KLHL29: variants seen among roughly 807,000 people sequenced by gnomAD.
KLHL29 encodes kelch-like protein 29.
In KLHL29, 21 loss-of-function variants were observed where a neutral mutation model predicts 80.4. The ratio of observed to expected loss-of-function variants is 0.26; its 90% CI spans 0.19 to 0.38. KLHL29 has a LOEUF of 0.38. Among genes scored for constraint, KLHL29 ranks in the 10% least tolerant of loss-of-function variants. KLHL29 has a pLI of 1.00. For missense variants in KLHL29, 867 were observed against 1,223.9 expected, an observed-to-expected ratio of 0.71 and a Z score of 4.35; for synonymous variants, 511 against 526.8, an observed-to-expected ratio of 0.97 and a Z score of 0.41.
intron 2 of KLHL29, among the ~76,000 whole-genome samples, chr2:23,530,873 G>A (rs555696840): frequency 4.7e-4 from 71 of 152,292 alleles, no homozygotes; most frequent in Admixed American, 2.0e-3. Context: ...CCAGCTTTGT[G>A]TCTGTATGAA....
chr2:23,592,514 G>T (rs78696616), intron 3 of KLHL29, among the ~76,000 whole-genome samples: 1 of 152,230 alleles, frequency 6.6e-6, no homozygotes, highest in Non-Finnish European at 1.5e-5. Flanking sequence ...CCACATGGCC[G>T]CAGGCCGGGG....
chr2:23,464,830 CCTCTT>C (rs1226663553), intron 1 of KLHL29, among the ~76,000 whole-genome samples: 6 of 152,124 alleles, frequency 3.9e-5, no homozygotes, highest in African/African-American at 1.4e-4. Context: ...ATTTTTCCCA[CCTCTT>C]CTCTTAATTA....
At chr2:23,395,394 G>A (rs566537367) in intron 1 of KLHL29, among the ~76,000 whole-genome samples, 1 of 152,322 alleles carries the variant, frequency 6.6e-6, no homozygotes, top group Admixed American at 6.5e-5. Context: ...ACAGATAGGT[G>A]TCTGTTTCCA....
chr2:23,624,658 T>C (rs1572447243), intron 3 of KLHL29, among the ~76,000 whole-genome samples: 2 of 152,300 alleles, frequency 1.3e-5, no homozygotes, highest in South Asian at 2.1e-4. Flanking sequence ...TTGCTTTTGT[T>C]TCTTGATAAT....
At chr2:23,412,058 T>A (rs962304687) in intron 1 of KLHL29, among the ~76,000 whole-genome samples, 14 of 149,310 alleles carry the variant, frequency 9.4e-5, no homozygotes, top group African/African-American at 3.2e-4. Flanking sequence ...GTTGTGGGAA[T>A]GTGAGGTGGT....
chr2:23,416,939 C>T (rs1381604051), intron 1 of KLHL29, among the ~76,000 whole-genome samples: 1 of 152,214 alleles, frequency 6.6e-6, no homozygotes, highest in Admixed American at 6.5e-5. Context: ...TCCACAGGCA[C>T]CTCCATTTGA....
At chr2:23,395,700 G>A (rs1166974159) in intron 1 of KLHL29, among the ~76,000 whole-genome samples, 2 of 151,274 alleles carry the variant, frequency 1.3e-5, no homozygotes, top group Non-Finnish European at 2.9e-5. Context: ...AGCTGAGATC[G>A]CAACACTGCA....
chr2:23,633,798 T>C (rs1428044524), intron 3 of KLHL29, among the ~76,000 whole-genome samples: 1 of 151,590 alleles, frequency 6.6e-6, no homozygotes, highest in African/African-American at 2.4e-5. Flanking sequence ...TGTGTTTAAT[T>C]TGACTAAGTG....
chr2:23,511,582 A>G (rs1208817659), intron 2 of KLHL29, among the ~76,000 whole-genome samples: 1 of 152,114 alleles, frequency 6.6e-6, no homozygotes, highest in African/African-American at 2.4e-5. Context: ...AGGCTGGGAG[A>G]TATGAGGATC....
chr2:23,492,114 C>T (rs966588917), intron 2 of KLHL29, among the ~76,000 whole-genome samples: 6 of 152,184 alleles, frequency 3.9e-5, no homozygotes, highest in African/African-American at 1.4e-4. Context: ...GTCCAGCCTC[C>T]CCAGACCCTG....
chr2:23,423,253 T>C (rs558193697), intron 1 of KLHL29, among the ~76,000 whole-genome samples: 9 of 152,346 alleles, frequency 5.9e-5, no homozygotes, highest in African/African-American at 2.2e-4. Flanking sequence ...GGCCGGGCTC[T>C]GCAGGGCAAT....
intron 3 of KLHL29, among the ~76,000 whole-genome samples, chr2:23,636,240 C>T (rs1223148297): frequency 6.6e-6 from 1 of 152,200 alleles, no homozygotes; most frequent in African/African-American, 2.4e-5. Context: ...GCAAAGGGCA[C>T]ACCCCGTGTC....
intron 4 of KLHL29, among the ~76,000 whole-genome samples, chr2:23,639,843 C>A (rs78822935): frequency 6.6e-6 from 1 of 152,106 alleles, no homozygotes; most frequent in Non-Finnish European, 1.5e-5. Context: ...GTCAGGAGAC[C>A]CCCTTCATCC....
chr2:23,561,869 A>G (rs1667455347), intron 2 of KLHL29, among the ~76,000 whole-genome samples: 1 of 152,134 alleles, frequency 6.6e-6, no homozygotes, highest in Non-Finnish European at 1.5e-5. Context: ...TGTGTCATTC[A>G]GGGCAGTGAG....
rs1310809203 is a variant in KLHL29, at chr2:23,503,778, G to A, written c.-46+28111G>A. On this transcript the variant is annotated intron_variant, in intron 2 of 13. Coordinates refer to ENST00000486442, the MANE Select transcript of KLHL29 (RefSeq NM_052920.2). This position sits in a 1 kb window ranked among gnomAD's most constrained non-coding sequence, Gnocchi z 4.0. ...GCGAAGGAGGAAGGAAACACAGACA[G>A]GAGGTCTCAGAGCACAGCACGCCAG... Among the ~76,000 whole-genome samples the A allele has an allele frequency of 6.6e-6, 1 of 152,232 alleles. No homozygotes were observed. Among genetic ancestry groups the A allele is most frequent in the Non-Finnish European group, 1.5e-5 (1 of 68,036 alleles).
At chr2:23,536,570 C>G (rs1006481396) in intron 2 of KLHL29, among the ~76,000 whole-genome samples, 2 of 152,206 alleles carry the variant, frequency 1.3e-5, no homozygotes, top group Non-Finnish European at 2.9e-5. Context: ...CACAGGCAAC[C>G]CTTCCCATGC....
intron 3 of KLHL29, among the ~76,000 whole-genome samples, chr2:23,592,631 A>G (rs1668297014): frequency 6.6e-6 from 1 of 152,218 alleles, no homozygotes; most frequent in African/African-American, 2.4e-5. Flanking sequence ...TTTTTAGTGC[A>G]AAGCAAGAAT....
intron 1 of KLHL29, among the ~76,000 whole-genome samples, chr2:23,425,738 C>T (rs1334276296): frequency 5.9e-5 from 9 of 152,148 alleles, no homozygotes; most frequent in Admixed American, 1.3e-4. Context: ...TGGGTGCAGG[C>T]GACATCATTT....
At chr2:23,391,375 C>A (rs1235710345) in intron 1 of KLHL29, among the ~76,000 whole-genome samples, 1 of 152,140 alleles carries the variant, frequency 6.6e-6, no homozygotes, top group Non-Finnish European at 1.5e-5. Flanking sequence ...TATAAGACAT[C>A]CTGTTTTCAG....
Sources: allele counts gnomAD v4.1 joint callset (sites outside exome capture counted in the v4.1 genomes callset), GRCh38; gene constraint gnomAD v4.1.1; non-coding constraint Gnocchi (gnomAD v3.1); transcripts MANE v1.5; gene names NCBI Gene and HGNC (gene_info 2026-07-23, HGNC 2026-07-21).